ELMO1: variants seen among roughly 807,000 people sequenced by gnomAD.
ELMO1 encodes engulfment and cell motility 1.
A neutral mutation model predicts 98.9 loss-of-function variants in ELMO1; 26 were observed. That is an observed-to-expected ratio of 0.26 (90% confidence interval 0.19 to 0.36). ELMO1 has a LOEUF of 0.36. ELMO1 is among the 10% of genes least tolerant of loss of function. The pLI is 1.00. For synonymous variants in ELMO1, 346 were observed against 346.0 expected (o/e 1.00, Z 0.00); for missense variants, 627 against 935.2 (o/e 0.67, Z 4.30).
rs896195843 is a variant in ELMO1 at position 37,266,265 on chromosome 7, TA to T, written c.243+5566del. ...GAAAACCTGAATTGAAAAATGGAAT[TA>T]AAAAAAAAAATTAATGGGCTTATTG... On this transcript the variant is annotated intron_variant, in intron 5 of 21. Coordinates refer to ENST00000310758, the MANE Select transcript of ELMO1 (RefSeq NM_014800.11). Among the ~76,000 whole-genome samples the T allele has an allele frequency of 3.6e-3, 538 of 150,158 alleles. 1 individual carries two copies. The highest frequency in any genetic ancestry group is 0.02 in the Middle Eastern group (6 of 294).
chr7:37,319,162 C>A (rs1364610979), intron 2 of ELMO1, among the ~76,000 whole-genome samples: 1 of 152,166 alleles, frequency 6.6e-6, no homozygotes, highest in Non-Finnish European at 1.5e-5. Context: ...CATTTTAACT[C>A]TCCTGCAGGT....
At chr7:36,984,692 T>C (rs1791368268) in intron 16 of ELMO1, among the ~76,000 whole-genome samples, 1 of 152,220 alleles carries the variant, frequency 6.6e-6, no homozygotes, top group Non-Finnish European at 1.5e-5. Context: ...AGATGCTTCA[T>C]TCTCTTTTCC....
intron 13 of ELMO1, among the ~76,000 whole-genome samples, chr7:37,150,409 C>T (rs77334007): frequency 0.084 from 12,572 of 150,230 alleles, 734 homozygotes; most frequent in Middle Eastern, 0.16. Flanking sequence ...TGAACCCAAC[C>T]GTCCAGAGTC....
At chr7:37,260,680 C>T (rs1465069260) in intron 5 of ELMO1, among the ~76,000 whole-genome samples, 2 of 152,092 alleles carry the variant, frequency 1.3e-5, no homozygotes, top group South Asian at 2.1e-4. Flanking sequence ...ACCCATGCCC[C>T]GATCACTTGG....
chr7:37,237,461 T>C (rs2130659555), intron 7 of ELMO1, among the ~76,000 whole-genome samples: 1 of 152,230 alleles, frequency 6.6e-6, no homozygotes, highest in Non-Finnish European at 1.5e-5. Context: ...AGCTAATTTT[T>C]GTATTTTTAG....
chr7:37,293,407 C>G lies in ELMO1; in HGVS notation c.192+21443G>C, dbSNP rs187397218. On this transcript the variant is annotated intron_variant, in intron 4 of 21. Transcript: ENST00000310758. Reference sequence around the variant, plus strand: ...TCTTCTGCCTTGGGATCCTGTTGATCGGTGACCTTACCCCCAACCCTGTGC... The same window carrying G: ...TCTTCTGCCTTGGGATCCTGTTGATGGGTGACCTTACCCCCAACCCTGTGC... 2.9e-3 allele frequency among the ~76,000 whole-genome samples: 260 copies of G among 88,420 alleles called. 13 individuals are homozygous for G. Among genetic ancestry groups the G allele is most frequent in the African/African-American group, 8.1e-3 (250 of 31,030 alleles). The allele number at this position is 88,420 out of a possible 152,430, so 58.0% of individuals were successfully genotyped here.
intron 14 of ELMO1, among the ~76,000 whole-genome samples, chr7:37,127,014 T>A (rs561703340): frequency 3.4e-4 from 52 of 152,212 alleles, no homozygotes; most frequent in Non-Finnish European, 5.4e-4. Context: ...TTATCTAACT[T>A]TTTTAGAGCC....
chr7:36,921,161 G>A (rs954968022), intron 16 of ELMO1, among the ~76,000 whole-genome samples: 1 of 152,192 alleles, frequency 6.6e-6, no homozygotes, highest in Non-Finnish European at 1.5e-5. Context: ...CCAGCCTCCA[G>A]AACTGTGAGC....
chr7:37,356,915 A>T (rs1369581583), intron 1 of ELMO1, among the ~76,000 whole-genome samples: 1 of 152,192 alleles, frequency 6.6e-6, no homozygotes, highest in Non-Finnish European at 1.5e-5. Flanking sequence ...ACCAAAGTAA[A>T]CCATGAAACC....
chr7:37,387,623 A>G lies in ELMO1; in HGVS notation c.-73-44860T>C, dbSNP rs12056142. Among the ~76,000 whole-genome samples, 190 of 152,298 alleles carry G rather than the reference A, an allele frequency of 1.2e-3. 3 individuals carry two copies. The East Asian group carries it at 0.034, about 27-fold the overall frequency. ...TTTTGTAGGGGACACAATTCACTCC[A>G]GACAGGCATATAGAGCCAAACTTTG... On this transcript the variant is annotated intron_variant, in intron 1 of 21. Coordinates refer to ENST00000310758, the MANE Select transcript of ELMO1 (RefSeq NM_014800.11).
intron 15 of ELMO1, among the ~76,000 whole-genome samples, chr7:37,023,673 T>A (rs1158336730): frequency 6.6e-6 from 1 of 152,202 alleles, no homozygotes; most frequent in African/African-American, 2.4e-5. Flanking sequence ...AGTGGCACTA[T>A]CTCGGCTCAC....
intron 16 of ELMO1, among the ~76,000 whole-genome samples, chr7:36,943,343 C>T (rs1191535330): frequency 6.6e-6 from 1 of 152,202 alleles, no homozygotes; most frequent in Non-Finnish European, 1.5e-5. Flanking sequence ...ATCCAGTCTT[C>T]CCTTTCCCCT....
At chr7:37,403,264 A>T (rs931743177) in intron 1 of ELMO1, among the ~76,000 whole-genome samples, 2 of 152,212 alleles carry the variant, frequency 1.3e-5, no homozygotes, top group Admixed American at 6.5e-5. Context: ...GACAGTCAAC[A>T]GTTCAGTGGT....
intron 18 of ELMO1, among the ~76,000 whole-genome samples, chr7:36,882,822 G>T (rs951882043): frequency 6.6e-6 from 1 of 152,162 alleles, no homozygotes; most frequent in Non-Finnish European, 1.5e-5. Context: ...CTAGTCAATG[G>T]CAGTCCCTCT....
intron 15 of ELMO1, among the ~76,000 whole-genome samples, chr7:37,089,863 C>T (rs1230373158): frequency 2.0e-5 from 3 of 152,176 alleles, no homozygotes; most frequent in African/African-American, 7.2e-5. Context: ...GGTCATATAA[C>T]ATACTCAGGA....
intron 3 of ELMO1, 56 bp downstream of exon 3, chr7:37,315,864 T>G: frequency 7.0e-7 from 1 of 1,432,586 alleles, no homozygotes; most frequent in Non-Finnish European, 9.7e-7. Flanking sequence ...AAATATATTA[T>G]TTGCTTGTCA....
At chr7:37,221,403 T>C (rs1265147047) in intron 10 of ELMO1, among the ~76,000 whole-genome samples, 3 of 152,204 alleles carry the variant, frequency 2.0e-5, no homozygotes, top group African/African-American at 7.2e-5. Flanking sequence ...CACTGGCAAC[T>C]GCCATCAAGC....
intron 15 of ELMO1, among the ~76,000 whole-genome samples, chr7:37,025,890 A>G (rs1584532392): frequency 2.9e-5 from 3 of 103,756 alleles, no homozygotes; most frequent in Non-Finnish European, 4.1e-5. Context: ...TATATATATT[A>G]TATATTCTAT....
intron 17 of ELMO1, among the ~76,000 whole-genome samples, chr7:36,888,183 T>C (rs1805208198): frequency 6.6e-6 from 1 of 152,190 alleles, no homozygotes; most frequent in Admixed American, 6.5e-5. Context: ...CATTCACAAA[T>C]GGGGACAACA....
Sources: gnomAD v4.1 joint callset for allele counts (sites outside exome capture counted in the v4.1 genomes callset) on GRCh38, gnomAD v4.1.1 for gene constraint, MANE v1.5 for transcripts, NCBI Gene and HGNC (gene_info 2026-07-23, HGNC 2026-07-21) for gene names.